The following PCSK1 variants were observed in gnomAD, a reference collection of about 807,000 sequenced individuals.
The protein encoded by PCSK1 is proprotein convertase subtilisin/kexin type 1, also known as neuroendocrine convertase 1.
PCSK1 carries 56 observed loss-of-function variants against 90.6 expected under a neutral mutation model. The observed-to-expected ratio is 0.62, with a 90% confidence interval of 0.50 to 0.77. PCSK1 has a LOEUF of 0.77. Among genes scored for constraint, PCSK1 ranks in the 30% least tolerant of loss-of-function variants. The pLI is 0.00. For missense variants in PCSK1, 801 were observed against 932.6 expected (o/e 0.86, Z 1.84); for synonymous variants, 348 against 342.4 (o/e 1.02, Z -0.18).
rs1561374455 is a variant in PCSK1, at chr5:96,421,916, T to C, written c.584A>G (p.Asp195Gly). 2.5e-6 allele frequency: 4 copies of C among 1,586,468 alleles called. No homozygotes were observed. Among genetic ancestry groups the C allele is most frequent in the Non-Finnish European group, 3.5e-6 (4 of 1,159,136 alleles). Residue 195 changes from aspartate (D) to glycine (G), a missense_variant, in exon 5 of 14, where the codon GAT (aspartate) becomes GGT (glycine). Physicochemically the swap from Asp to Gly is moderately conservative, Grantham distance 94. Coordinates refer to ENST00000311106, the MANE Select transcript of PCSK1 (RefSeq NM_000439.5). The part of the protein sequence containing the change: ...ASYDFNDNDH[D>G]PFPRYDPTNE... The stretch of plus-strand genomic sequence containing the variant: ...TGTGGGATCATATCGGGGAAATGGA[T>C]CATGGTCATTATCATTAAAATCATA...
intron 9 of PCSK1, among the ~76,000 whole-genome samples, chr5:96,406,449 C>T (rs929480775): frequency 3.3e-5 from 5 of 152,154 alleles, no homozygotes; most frequent in African/African-American, 1.2e-4. Context: ...AATTGAGCAC[C>T]TGAATTTACT....
At chr5:96,422,832 A>G (rs1330925473) in intron 4 of PCSK1, among the ~76,000 whole-genome samples, 1 of 152,210 alleles carries the variant, frequency 6.6e-6, no homozygotes, top group African/African-American at 2.4e-5. Flanking sequence ...ATTTCTAGAA[A>G]ACTTTTCCTT....
chr5:96,406,169 T>G (rs2112411507), intron 9 of PCSK1, among the ~76,000 whole-genome samples: 1 of 152,316 alleles, frequency 6.6e-6, no homozygotes, highest in South Asian at 2.1e-4. Context: ...AGGTCTCGTT[T>G]GACCCCTTCA....
At chr5:96,404,449 G>A (rs1318871256) in intron 9 of PCSK1, among the ~76,000 whole-genome samples, 1 of 152,156 alleles carries the variant, frequency 6.6e-6, no homozygotes, top group African/African-American at 2.4e-5. Context: ...TTTGGGGAAG[G>A]AAAGTATTTC....
intron 12 of PCSK1, among the ~76,000 whole-genome samples, chr5:96,396,096 A>T (rs577286894): frequency 1.3e-5 from 2 of 152,266 alleles, no homozygotes; most frequent in Non-Finnish European, 2.9e-5. Flanking sequence ...TGCTAAGAAC[A>T]TTCTTTTTTT....
At chr5:96,424,574 T>A (rs902587934) in intron 3 of PCSK1, among the ~76,000 whole-genome samples, 5 of 152,190 alleles carry the variant, frequency 3.3e-5, no homozygotes, top group Non-Finnish European at 7.3e-5. Flanking sequence ...AATGAATTAA[T>A]TCATATCAAA....
rs574399958 is a variant in PCSK1, at chr5:96,427,603, C to A, written c.285+1610G>T. Among the ~76,000 whole-genome samples the A allele has an allele frequency of 1.6e-4, 25 of 152,154 alleles. No individual in the cohort carries two copies. In the South Asian group the frequency reaches 4.6e-3, roughly 28 times the overall value. On this transcript the variant is annotated intron_variant, in intron 2 of 13. Coordinates refer to ENST00000311106, the MANE Select transcript of PCSK1 (RefSeq NM_000439.5). ...TCTTGAGATTCCACCCCTCCCCCACCAAATCAGCTATCAAGGGGATGTATA... is the reference window on the plus strand; with the variant it reads ...TCTTGAGATTCCACCCCTCCCCCACAAAATCAGCTATCAAGGGGATGTATA...
chr5:96,428,535 G>T (rs781063541), intron 2 of PCSK1, among the ~76,000 whole-genome samples: 30 of 152,054 alleles, frequency 2.0e-4, no homozygotes, highest in Admixed American at 2.6e-4. Flanking sequence ...TATTCAAACT[G>T]CCTCTACCTT....
At chr5:96,402,209 A>G (rs1760400132) in intron 9 of PCSK1, among the ~76,000 whole-genome samples, 1 of 152,020 alleles carries the variant, frequency 6.6e-6, no homozygotes, top group African/African-American at 2.4e-5. Flanking sequence ...CTAGTTAAAA[A>G]CCGTGTGTGA....
chr5:96,399,189 A>G (rs538940018), intron 10 of PCSK1, among the ~76,000 whole-genome samples, 153 bp from the exon 11 acceptor site: 242 of 152,364 alleles, frequency 1.6e-3, no homozygotes, highest in Non-Finnish European at 2.3e-3. Flanking sequence ...TTATGTATAC[A>G]TGAATTTTAA....
intron 9 of PCSK1, among the ~76,000 whole-genome samples, chr5:96,402,622 A>G (rs888085444): frequency 2.0e-5 from 3 of 151,854 alleles, no homozygotes; most frequent in Non-Finnish European, 4.4e-5. Flanking sequence ...GTGCTGAGCC[A>G]CTCAACCAGT....
At chr5:96,406,724 A>G (rs965133537) in intron 9 of PCSK1, among the ~76,000 whole-genome samples, 2 of 152,270 alleles carry the variant, frequency 1.3e-5, no homozygotes, top group Admixed American at 6.5e-5. Flanking sequence ...TCTACTGAAT[A>G]TGACATAAGG....
chr5:96,410,688 G>A (rs938688744), intron 8 of PCSK1, 86 bp downstream of exon 8: 31 of 1,076,536 alleles, frequency 2.9e-5, no homozygotes, highest in East Asian at 4.7e-5. Flanking sequence ...CGAATCAGTC[G>A]TACCAAAGGT....
intron 1 of PCSK1, among the ~76,000 whole-genome samples, chr5:96,431,305 A>G (rs979274738): frequency 1.3e-5 from 2 of 152,104 alleles, no homozygotes; most frequent in Non-Finnish European, 2.9e-5. Context: ...CTCCGATCTC[A>G]TTATGTGCTC....
Position 96,432,886 on chromosome 5 carries a change from G to C in PCSK1, c.157C>G (p.Leu53Val), listed in dbSNP as rs1263975971. 5 of 1,613,918 alleles carry C rather than the reference G, an allele frequency of 3.1e-6. No homozygotes were observed. The highest frequency in any genetic ancestry group is 1.7e-5 in the Admixed American group (1 of 60,020). ...PEAASAIAEE[L>V]GYDLLGQIGS... is the part of the protein sequence containing the mutation. ...ACCTGACCCAAAAGGTCATAGCCCA[G>C]CTCCTCGGCGATGGCCGAGGCTGCT... The change falls in exon 1 of 14, where the codon CTG becomes GTG. Residue 53 changes from leucine to valine, a missense_variant. Transcript: ENST00000311106.
chr5:96,418,203 A>G (rs902424868), intron 5 of PCSK1, among the ~76,000 whole-genome samples: 2 of 152,174 alleles, frequency 1.3e-5, no homozygotes, highest in African/African-American at 2.4e-5. Flanking sequence ...CCAAACGTTG[A>G]GAGAAAGAAA....
At chr5:96,411,133 G>A (rs942097925) in intron 7 of PCSK1, 147 bp from the exon 8 acceptor site, 12 of 714,866 alleles carry the variant, frequency 1.7e-5, no homozygotes, top group East Asian at 5.3e-5. Context: ...TTTTGGCTTC[G>A]ATATTGGAAA....
At chr5:96,421,845 A>T (rs758544546) in intron 5 of PCSK1, 35 bp downstream of exon 5, 2 of 1,081,738 alleles carry the variant, frequency 1.8e-6, no homozygotes, top group Non-Finnish European at 2.9e-6. Context: ...AGCATTGTAA[A>T]GTACTTTATT....
At chr5:96,410,241 C>G (rs1760710582) in intron 8 of PCSK1, among the ~76,000 whole-genome samples, 1 of 152,126 alleles carries the variant, frequency 6.6e-6, no homozygotes, top group Non-Finnish European at 1.5e-5. Context: ...AGCATACGAC[C>G]TCCCCGAGCT....
Sources: gnomAD v4.1 joint callset for allele counts (sites outside exome capture counted in the v4.1 genomes callset) on GRCh38, gnomAD v4.1.1 for gene constraint, MANE v1.5 for transcripts, NCBI Gene and HGNC (gene_info 2026-07-23, HGNC 2026-07-21) for gene names.